Variants in BRWD3 observed in about 807,000 individuals in gnomAD.
The protein encoded by BRWD3 is bromodomain and WD repeat-containing protein 3.
A neutral mutation model predicts 149.7 loss-of-function variants in BRWD3; 10 were observed. The observed-to-expected ratio is 0.07, with a 90% CI of 0.04 to 0.11. BRWD3 has a LOEUF of 0.11. Ranked by LOEUF, BRWD3 falls within the 10% of genes least tolerant of loss-of-function variation. The pLI, the probability that BRWD3 is intolerant of heterozygous loss-of-function variation, is 1.00. For missense variants in BRWD3, 940 were observed against 1,373.2 expected, an observed-to-expected ratio of 0.68 and a Z score of 4.99; for synonymous variants, 504 against 456.7, an observed-to-expected ratio of 1.10 and a Z score of -1.32.
intron 6 of BRWD3, among the ~76,000 whole-genome samples, chrX:80,774,276 A>AT (rs771497157): frequency 1.9e-5 from 2 of 104,870 alleles, no homozygotes; most frequent in South Asian, 8.2e-4. Flanking sequence ...TTTATTTTTT[A>AT]TTTTTTTTGA....
chrX:80,692,158 A>G lies in BRWD3; in HGVS notation c.3264-8T>C. On this transcript the variant is annotated splice_polypyrimidine_tract_variant and splice_region_variant and intron_variant, in intron 28 of 40. Coordinates refer to ENST00000373275, the MANE Select transcript of BRWD3 (RefSeq NM_153252.5). ...CTCTCATTATTGTCCCAGCTATTAA[A>G]AAATAAGAAGATGCAAATCAAATTA... The G allele has an allele frequency of 3.3e-6, 4 of 1,194,056 alleles. No homozygotes were observed.
chrX:80,709,622 G>A (rs1478579898), intron 20 of BRWD3, 45 bp from the exon 21 acceptor site: 3 of 1,145,393 alleles, frequency 2.6e-6, no homozygotes. Context: ...GAAAAGCTCA[G>A]TAAACACACA....
intron 8 of BRWD3, among the ~76,000 whole-genome samples, chrX:80,742,840 A>G (rs1382238577): frequency 9.0e-6 from 1 of 111,578 alleles, no homozygotes; most frequent in Non-Finnish European, 1.9e-5. Flanking sequence ...GTCATCTGCA[A>G]ACAGGGACAA....
Position 80,728,922 on chromosome X carries a change from G to A in BRWD3, c.1233-17C>T. 2 of 1,198,063 alleles carry A rather than the reference G, an allele frequency of 1.7e-6. No homozygotes were observed. The highest frequency in any genetic ancestry group is 2.3e-6 in the Non-Finnish European group (2 of 883,662). ...AAATTATTGCTAAACAAAACAATTTGCAGTATTCATATCTTATAAATTTTT... is the reference window on the plus strand; with the variant it reads ...AAATTATTGCTAAACAAAACAATTTACAGTATTCATATCTTATAAATTTTT... On this transcript the variant is annotated splice_polypyrimidine_tract_variant and intron_variant, in intron 13 of 40. Transcript: ENST00000373275.
rs1393105144 is a variant in BRWD3, at chrX:80,670,871, T to A, written c.*5738A>T. On this transcript the variant is annotated 3_prime_UTR_variant, in exon 41 of 41. Coordinates refer to ENST00000373275, the MANE Select transcript of BRWD3 (RefSeq NM_153252.5). ...CAGTCTACTTTTTTCCTAAATGCAT[T>A]TTTTTTATTCTAAATACACAAAATA... The A allele has an allele frequency of 9.0e-6, 1 of 111,558 alleles. No individual in the cohort carries two copies. Among genetic ancestry groups the A allele is most frequent in the African/African-American group, 3.3e-5 (1 of 30,696 alleles). 9.2% of individuals were successfully genotyped at this position (111,558 alleles called of 1,213,427 possible).
intron 6 of BRWD3, among the ~76,000 whole-genome samples, chrX:80,761,087 T>G (rs1387306695): frequency 9.0e-6 from 1 of 110,966 alleles, no homozygotes; most frequent in Non-Finnish European, 1.9e-5. Flanking sequence ...CCCTCAATAT[T>G]AACTGGTGAT....
At chrX:80,802,442 TAAAAAAAA>T (rs760675783) in intron 4 of BRWD3, among the ~76,000 whole-genome samples, 4 of 48,902 alleles carry the variant, frequency 8.2e-5, no homozygotes, top group Non-Finnish European at 1.1e-4. Context: ...ACTCTCATCT[TAAAAAAAA>T]AAAAAAAAAA....
intron 6 of BRWD3, among the ~76,000 whole-genome samples, chrX:80,782,266 C>A (rs2074064602): frequency 9.0e-6 from 1 of 111,636 alleles, no homozygotes; most frequent in Admixed American, 9.6e-5. Context: ...AAAGGACAAT[C>A]TCTTCAATAA....
At chrX:80,748,132 C>T (rs1347575037) in intron 6 of BRWD3, among the ~76,000 whole-genome samples, 1 of 110,438 alleles carries the variant, frequency 9.1e-6, no homozygotes, top group African/African-American at 3.3e-5. Flanking sequence ...CATGAGCCAC[C>T]ATGCCCAGCC....
At chrX:80,706,269 C>T (rs2072863118) in intron 22 of BRWD3, among the ~76,000 whole-genome samples, 1 of 110,445 alleles carries the variant, frequency 9.1e-6, no homozygotes, top group Non-Finnish European at 1.9e-5. Context: ...CCACCACATC[C>T]GGGTAATTTT....
intron 6 of BRWD3, among the ~76,000 whole-genome samples, chrX:80,772,400 T>C (rs745651059): frequency 1.8e-5 from 2 of 111,070 alleles, no homozygotes; most frequent in African/African-American, 3.3e-5. Flanking sequence ...TTCTCACTCA[T>C]AGGTGGGAAT....
chrX:80,686,885 G>C lies in BRWD3; in HGVS notation c.3983C>G (p.Pro1328Arg). ...TACTGGGTAAGAAAGAAGATCAGCT[G>C]GCTGTCGAAATGGCTCCGAGTCTTC... is the stretch of plus-strand genomic sequence containing the variant. ...EREDSEPFRQ[P>R]ADLLSYPGHQ... is the part of the protein sequence containing the mutation. The change falls in exon 35 of 41, where the codon CCA (proline) becomes CGA (arginine). Residue 1328 changes from proline to arginine, a missense_variant. By Grantham distance (103) the Pro-to-Arg change is moderately radical. Coordinates refer to ENST00000373275, the MANE Select transcript of BRWD3 (RefSeq NM_153252.5). The C allele has an allele frequency of 8.3e-7, 1 of 1,209,439 alleles. No homozygotes were observed. Among genetic ancestry groups the C allele is most frequent in the Non-Finnish European group, 1.1e-6 (1 of 894,050 alleles).
chrX:80,689,646 A>G, intron 33 of BRWD3, 122 bp downstream of exon 33: 1 of 585,532 alleles, frequency 1.7e-6, no homozygotes, highest in Non-Finnish European at 2.8e-6. Flanking sequence ...AGACGCTGGT[A>G]TTCAGCCAGA....
Position 80,790,193 on chromosome X carries a change from CAAAAAAA to C in BRWD3, c.430+1654_430+1660del, listed in dbSNP as rs10711199. ...AAGAGACAACAGTGAGACTCTGTCT[CAAAAAAA>C]AAAAAAAAAAAAAAAAAAGATATAC... On this transcript the variant is annotated intron_variant, in intron 6 of 40. Transcript: ENST00000373275. Among the ~76,000 whole-genome samples the C allele has an allele frequency of 1.4e-4, 5 of 35,316 alleles. 1 individual carries two copies. Among genetic ancestry groups the C allele is most frequent in the African/African-American group, 5.3e-4 (5 of 9,362 alleles). The allele number at this position is 35,316 out of a possible 115,157, so 30.7% of individuals were successfully genotyped here.
chrX:80,767,941 T>C (rs2073885539), intron 6 of BRWD3, among the ~76,000 whole-genome samples: 1 of 111,711 alleles, frequency 9.0e-6, no homozygotes, highest in Non-Finnish European at 1.9e-5. Context: ...ATGCAGAAGC[T>C]TCAATAGCCG....
rs184945422 is a variant in BRWD3, at chrX:80,772,033, G to C, written c.430+19821C>G. On this transcript the variant is annotated intron_variant, in intron 6 of 40. Transcript: ENST00000373275. ...ACACTGTTGGTGGGAGTGTAAACTA[G>C]TTCAACCATTCTGGAAGACAGTGTG... Among the ~76,000 whole-genome samples the C allele has an allele frequency of 2.3e-3, 259 of 111,828 alleles. 1 individual carries two copies. Among genetic ancestry groups the C allele is most frequent in the African/African-American group, 7.6e-3 (233 of 30,754 alleles).
intron 20 of BRWD3, among the ~76,000 whole-genome samples, chrX:80,712,155 GCTCTCCC>G (rs909193095): frequency 6.3e-5 from 7 of 111,213 alleles, no homozygotes; most frequent in East Asian, 2.9e-4. Flanking sequence ...AAAATGAAAT[GCTCTCCC>G]CTCTCCCCTC....
intron 6 of BRWD3, among the ~76,000 whole-genome samples, chrX:80,787,976 C>T (rs1052392440): frequency 9.2e-6 from 1 of 109,264 alleles, no homozygotes; most frequent in African/African-American, 3.3e-5. Flanking sequence ...CCCAGCTACT[C>T]GGGAGGCTGA....
At chrX:80,717,293 T>C in intron 19 of BRWD3, 1 of 321,795 alleles carries the variant, frequency 3.1e-6, no homozygotes, top group Non-Finnish European at 5.5e-6. Flanking sequence ...ACCTCATGAG[T>C]TCTTAATACT....
Sources: gnomAD v4.1 joint callset for allele counts (sites outside exome capture counted in the v4.1 genomes callset) on GRCh38, gnomAD v4.1.1 for gene constraint, MANE v1.5 for transcripts, NCBI Gene and HGNC (gene_info 2026-07-23, HGNC 2026-07-21) for gene names.